The following PTPRK variants were observed in gnomAD, a reference collection of about 807,000 sequenced individuals.
PTPRK encodes receptor-type tyrosine-protein phosphatase kappa.
A neutral mutation model predicts 178.0 loss-of-function variants in PTPRK; 75 were observed. The observed-to-expected ratio is 0.42, with a 90% CI of 0.35 to 0.51. PTPRK has a LOEUF of 0.51. PTPRK is among the 20% of genes least tolerant of loss of function. The pLI, the probability that PTPRK is intolerant of heterozygous loss-of-function variation, is 0.02. For synonymous variants in PTPRK, 637 were observed against 620.6 expected, an observed-to-expected ratio of 1.03 and a Z score of -0.39; for missense variants, 1,441 against 1,797.8, an observed-to-expected ratio of 0.80 and a Z score of 3.59.
At chr6:128,222,848 G>A (rs1810656829) in intron 5 of PTPRK, among the ~76,000 whole-genome samples, 1 of 152,114 alleles carries the variant, frequency 6.6e-6, no homozygotes, top group Non-Finnish European at 1.5e-5. Flanking sequence ...AAATGTCTGT[G>A]TTATCTAAAA....
At chr6:128,239,734 C>G (rs1042777427) in intron 5 of PTPRK, among the ~76,000 whole-genome samples, 3 of 151,718 alleles carry the variant, frequency 2.0e-5, no homozygotes, top group Admixed American at 6.6e-5. Flanking sequence ...AAATATCATT[C>G]TTATTCATAT....
chr6:128,052,881 T>G (rs1313734466), intron 13 of PTPRK, among the ~76,000 whole-genome samples: 1 of 152,150 alleles, frequency 6.6e-6, no homozygotes, highest in Non-Finnish European at 1.5e-5. Context: ...GGCCTCTAGT[T>G]CAGCCAATGA....
intron 15 of PTPRK, among the ~76,000 whole-genome samples, chr6:128,002,475 G>A (rs1363062853): frequency 6.6e-6 from 1 of 151,766 alleles, no homozygotes; most frequent in Non-Finnish European, 1.5e-5. Context: ...AAGGAACAGG[G>A]TACAAAGTGA....
rs182929518 is a variant in PTPRK, at chr6:128,058,120, C to T, written c.2194+6638G>A. 7.4e-3 allele frequency among the ~76,000 whole-genome samples: 1,126 copies of T among 152,254 alleles called. 8 individuals carry two copies. Among genetic ancestry groups the T allele is most frequent in the Non-Finnish European group, 0.013 (908 of 68,014 alleles). ...TTTGTTGCTTTTATAAACAGTGCTG[C>T]TATAAATTTTGTACTACATGTTTTT... On this transcript the variant is annotated intron_variant, in intron 13 of 29. Coordinates refer to ENST00000368226, the MANE Select transcript of PTPRK (RefSeq NM_002844.4).
At chr6:128,496,355 G>C (rs1854658409) in intron 1 of PTPRK, among the ~76,000 whole-genome samples, 2 of 152,144 alleles carry the variant, frequency 1.3e-5, no homozygotes, top group Admixed American at 1.3e-4. Flanking sequence ...GTAAAGTAGA[G>C]AATAGAGAAT....
chr6:128,414,091 C>A (rs1202189784), intron 1 of PTPRK, among the ~76,000 whole-genome samples: 1 of 152,144 alleles, frequency 6.6e-6, no homozygotes. Flanking sequence ...CCCTGTGATA[C>A]TCCCCAAACT....
intron 21 of PTPRK, among the ~76,000 whole-genome samples, chr6:127,987,854 C>A (rs542269294): frequency 1.8e-4 from 27 of 152,142 alleles, no homozygotes; most frequent in Non-Finnish European, 1.5e-5. Flanking sequence ...AACATGGCTG[C>A]TACTAGGTAT....
At chr6:128,277,037 A>C (rs1820824678) in intron 3 of PTPRK, among the ~76,000 whole-genome samples, 1 of 152,062 alleles carries the variant, frequency 6.6e-6, no homozygotes, top group Admixed American at 6.6e-5. Context: ...AGTTTTTCTA[A>C]ATCTCTAACT....
In PTPRK at chr6:128,169,888, C is replaced by T. The variant is rs548988638; in HGVS notation, c.1162+14544G>A. ...ATAATTTTATGATAAACACCAGGCA[C>T]TTTCCAGAACTATATGGGATAATAC... On this transcript the variant is annotated intron_variant, in intron 7 of 29. Transcript: ENST00000368226. Among the ~76,000 whole-genome samples the T allele has an allele frequency of 3.3e-5, 5 of 151,376 alleles. No individual in the cohort carries two copies. In the East Asian group the frequency reaches 5.8e-4, roughly 18 times the overall value.
rs575853442 is a variant in PTPRK, at chr6:128,391,907, T to C, written c.223+5659A>G. Reference sequence around the variant, plus strand: ...ATCATGTTACCTATAACTTTTATTGTATGCATCAAATTATGGACACCCATG... The same window carrying C: ...ATCATGTTACCTATAACTTTTATTGCATGCATCAAATTATGGACACCCATG... On this transcript the variant is annotated intron_variant, in intron 2 of 29. Coordinates refer to ENST00000368226, the MANE Select transcript of PTPRK (RefSeq NM_002844.4). 1.9e-4 allele frequency among the ~76,000 whole-genome samples: 29 copies of C among 152,264 alleles called. No individual in the cohort carries two copies. In the South Asian group the frequency reaches 6.0e-3, roughly 32 times the overall value.
At chr6:128,343,073 T>C (rs530924775) in intron 2 of PTPRK, among the ~76,000 whole-genome samples, 200 of 152,362 alleles carry the variant, frequency 1.3e-3, no homozygotes, top group African/African-American at 4.4e-3. Context: ...TAGTCAACAC[T>C]TTCAGTGGTG....
At chr6:128,307,152 G>GAAAAAA (rs199552590) in intron 3 of PTPRK, among the ~76,000 whole-genome samples, 13 of 117,702 alleles carry the variant, frequency 1.1e-4, no homozygotes, top group African/African-American at 3.7e-4. Flanking sequence ...GAGCTCAGAA[G>GAAAAAA]AAAAAAAAAT....
At chr6:128,449,703 C>T (rs1460143491) in intron 1 of PTPRK, among the ~76,000 whole-genome samples, 1 of 152,088 alleles carries the variant, frequency 6.6e-6, no homozygotes, top group Non-Finnish European at 1.5e-5. Flanking sequence ...TATGTTAACT[C>T]AGTAACTGAA....
At chr6:128,419,723 G>A (rs1206952720) in intron 1 of PTPRK, among the ~76,000 whole-genome samples, 2 of 152,208 alleles carry the variant, frequency 1.3e-5, no homozygotes, top group Admixed American at 1.3e-4. Flanking sequence ...TGCTGTTCTG[G>A]GAACCTCTCA....
intron 13 of PTPRK, among the ~76,000 whole-genome samples, chr6:128,064,314 C>T (rs189892176): frequency 1.3e-5 from 2 of 152,294 alleles, no homozygotes; most frequent in Admixed American, 1.3e-4. Context: ...AAGCTAACTG[C>T]ACTACTGATG....
intron 5 of PTPRK, among the ~76,000 whole-genome samples, chr6:128,232,666 A>G (rs1812504802): frequency 6.6e-6 from 1 of 152,204 alleles, no homozygotes; most frequent in Non-Finnish European, 1.5e-5. Flanking sequence ...GGTAGTAAAT[A>G]AGTCACTTAC....
chr6:128,464,634 T>TAC lies in PTPRK; in HGVS notation c.100+55623_100+55624dup, dbSNP rs1554271810. The stretch of plus-strand genomic sequence containing the variant: ...ATATACATATACATATATATATATA[T>TAC]ACACATATATATATATATATATATA... On this transcript the variant is annotated intron_variant, in intron 1 of 29. Transcript: ENST00000368226. 4.8e-3 allele frequency among the ~76,000 whole-genome samples: 196 copies of TAC among 40,880 alleles called. 5 individuals carry two copies. Among genetic ancestry groups the TAC allele is most frequent in the African/African-American group, 0.028 (166 of 5,838 alleles). 26.8% of individuals were successfully genotyped at this position (40,880 alleles called of 152,430 possible).
chr6:128,407,262 A>C (rs1458390520), intron 1 of PTPRK, among the ~76,000 whole-genome samples: 1 of 152,176 alleles, frequency 6.6e-6, no homozygotes, highest in Non-Finnish European at 1.5e-5. Context: ...TTCAAACTCT[A>C]GTATATCAGA....
chr6:128,363,690 ATT>A (rs1435842387), intron 2 of PTPRK, among the ~76,000 whole-genome samples: 1 of 152,102 alleles, frequency 6.6e-6, no homozygotes, highest in Non-Finnish European at 1.5e-5. Flanking sequence ...CTGAACACTC[ATT>A]TCTATCTACT....
Sources: allele counts gnomAD v4.1 joint callset (sites outside exome capture counted in the v4.1 genomes callset), GRCh38; gene constraint gnomAD v4.1.1; transcripts MANE v1.5; gene names NCBI Gene and HGNC (gene_info 2026-07-23, HGNC 2026-07-21).